HSD17B12: variants seen among roughly 807,000 people sequenced by gnomAD.
HSD17B12 encodes the protein very-long-chain 3-oxoacyl-CoA reductase.
Under a neutral mutation model 39.3 loss-of-function variants are expected in HSD17B12, and 32 were observed. That is an observed-to-expected ratio of 0.81 (90% CI 0.61 to 1.09). The LOEUF (loss-of-function observed/expected upper bound fraction) is 1.09. Among genes scored for constraint, HSD17B12 ranks in the 50% least tolerant of loss-of-function variants. The pLI, the probability that HSD17B12 is intolerant of heterozygous loss-of-function variation, is 0.00. For missense variants in HSD17B12, 342 were observed against 382.9 expected, an observed-to-expected ratio of 0.89 and a Z score of 0.89; for synonymous variants, 150 against 146.7, an observed-to-expected ratio of 1.02 and a Z score of -0.16.
At chr11:43,616,420 AAAAAC>A in the HSD17B12 span, among the ~76,000 whole-genome samples, 9 of 139,550 alleles carry the variant, frequency 6.4e-5, no homozygotes, top group African/African-American at 9.6e-5. Context: ...AAAAAAAACA[AAAAAC>A]AAAAAAAAAA....
the HSD17B12 span, among the ~76,000 whole-genome samples, chr11:43,647,518 T>A: frequency 6.6e-6 from 1 of 150,630 alleles, no homozygotes; most frequent in Admixed American, 6.7e-5. Flanking sequence ...CCCCAAGTGA[T>A]CCTCCTGCCT....
intron 6 of HSD17B12, among the ~76,000 whole-genome samples, chr11:43,816,688 G>A (rs1951126434): frequency 6.6e-6 from 1 of 151,898 alleles, no homozygotes; most frequent in African/African-American, 2.4e-5. Context: ...TTCTTTAGTT[G>A]TGATTTGTGA....
the HSD17B12 span, among the ~76,000 whole-genome samples, chr11:43,605,086 A>G: frequency 2.6e-5 from 4 of 152,214 alleles, no homozygotes; most frequent in Non-Finnish European, 5.9e-5. Context: ...GAATGGGCAG[A>G]ATGTTTTGCT....
the HSD17B12 span, chr11:43,644,986 T>G: frequency 1.3e-5 from 2 of 152,354 alleles, no homozygotes; most frequent in Non-Finnish European, 1.5e-5. Flanking sequence ...TGCAGGTACC[T>G]TTAGTTCTAG....
At chr11:43,590,264 C>A in the HSD17B12 span, among the ~76,000 whole-genome samples, 13 of 135,644 alleles carry the variant, frequency 9.6e-5, no homozygotes, top group African/African-American at 3.0e-4. Flanking sequence ...CAATGATGAC[C>A]GCATAAGGGG....
At chr11:43,797,633 A>G (rs1469192717) in intron 3 of HSD17B12, among the ~76,000 whole-genome samples, 10 of 152,240 alleles carry the variant, frequency 6.6e-5, no homozygotes, top group Admixed American at 5.2e-4. Flanking sequence ...AATACTGTAC[A>G]TTAACTCAGA....
chr11:43,663,893 C>T, the HSD17B12 span, among the ~76,000 whole-genome samples: 1 of 150,916 alleles, frequency 6.6e-6, no homozygotes, highest in Admixed American at 6.6e-5. Flanking sequence ...GATGGAGTCT[C>T]GCCCTGTTGC....
At chr11:43,735,412 C>T (rs1263586794) in intron 1 of HSD17B12, among the ~76,000 whole-genome samples, 2 of 152,170 alleles carry the variant, frequency 1.3e-5, no homozygotes, top group African/African-American at 4.8e-5. Flanking sequence ...TTTAATTTCC[C>T]CACATCCTCA....
chr11:43,714,295 T>C (rs1950099540), intron 1 of HSD17B12, among the ~76,000 whole-genome samples: 1 of 152,360 alleles, frequency 6.6e-6, no homozygotes, highest in East Asian at 1.9e-4. Flanking sequence ...TGAATTAATT[T>C]TTGTATAAGA....
chr11:43,633,358 C>T, the HSD17B12 span, among the ~76,000 whole-genome samples: 1 of 151,944 alleles, frequency 6.6e-6, no homozygotes, highest in Non-Finnish European at 1.5e-5. Context: ...ATGCTGAAAC[C>T]TCGTCTCTAC....
At chr11:43,813,076 C>T (rs1035162171) in intron 4 of HSD17B12, among the ~76,000 whole-genome samples, 2 of 152,094 alleles carry the variant, frequency 1.3e-5, no homozygotes, top group African/African-American at 4.8e-5. Flanking sequence ...CTCCTGACCT[C>T]GTGATCCGCC....
At chr11:43,849,109 G>A (rs1213629926) in intron 9 of HSD17B12, among the ~76,000 whole-genome samples, 5 of 152,082 alleles carry the variant, frequency 3.3e-5, no homozygotes, top group Non-Finnish European at 7.4e-5. Context: ...TTCAAGACCA[G>A]TCTGGGCAAC....
intron 1 of HSD17B12, among the ~76,000 whole-genome samples, chr11:43,691,651 C>T (rs1232502424): frequency 1.3e-5 from 2 of 152,174 alleles, no homozygotes; most frequent in African/African-American, 4.8e-5. Context: ...TTCCTTATAC[C>T]TTACACATAC....
chr11:43,823,824 C>T (rs76967008), intron 6 of HSD17B12, among the ~76,000 whole-genome samples: 2,056 of 152,140 alleles, frequency 0.014, 67 homozygotes, highest in African/African-American at 0.045. Context: ...GAATAAGGGT[C>T]ACACTGATTG....
At chr11:43,577,035 G>C in the HSD17B12 span, among the ~76,000 whole-genome samples, 70 of 152,268 alleles carry the variant, frequency 4.6e-4, no homozygotes, top group Non-Finnish European at 7.4e-4. Context: ...AAAATTGCAT[G>C]GATGGGGTTG....
intron 3 of HSD17B12, among the ~76,000 whole-genome samples, chr11:43,757,657 A>AAC (rs1455139613): frequency 2.1e-5 from 3 of 143,850 alleles, no homozygotes; most frequent in South Asian, 4.4e-4. Flanking sequence ...AAAAAAAAAA[A>AAC]AAAAAAAAAA....
At chr11:43,704,070 G>A (rs1159982606) in intron 1 of HSD17B12, among the ~76,000 whole-genome samples, 1 of 152,168 alleles carries the variant, frequency 6.6e-6, no homozygotes, top group East Asian at 1.9e-4. Flanking sequence ...CATTTGGAAC[G>A]TGCTCCCCAG....
intron 3 of HSD17B12, among the ~76,000 whole-genome samples, chr11:43,789,467 G>A (rs1340947642): frequency 2.6e-5 from 4 of 152,204 alleles, no homozygotes; most frequent in African/African-American, 9.6e-5. Context: ...TTACAGTTTA[G>A]GGAGTGAGAT....
intron 1 of HSD17B12, among the ~76,000 whole-genome samples, chr11:43,737,119 C>T (rs1950324025): frequency 6.6e-6 from 1 of 152,118 alleles, no homozygotes; most frequent in Admixed American, 6.6e-5. Flanking sequence ...AAAAAAGAGT[C>T]ACAAGAAGGA....
Sources: gnomAD v4.1 joint callset for allele counts (sites outside exome capture counted in the v4.1 genomes callset) on GRCh38, gnomAD v4.1.1 for gene constraint, MANE v1.5 for transcripts, NCBI Gene and HGNC (gene_info 2026-07-23, HGNC 2026-07-21) for gene names.